The following COX16 variants were observed in gnomAD, a reference collection of about 807,000 sequenced individuals.
COX16 encodes cytochrome c oxidase assembly protein COX16 homolog, mitochondrial.
Under a neutral mutation model 15.4 loss-of-function variants are expected in COX16, and 12 were observed. The ratio of observed to expected loss-of-function variants is 0.78; its 90% confidence interval spans 0.50 to 1.26. The LOEUF (loss-of-function observed/expected upper bound fraction) is 1.26, where lower values mean the gene tolerates loss of function less well. Ranked by LOEUF, COX16 falls within the 50% of genes most tolerant of loss-of-function variation. The probability of loss-of-function intolerance (pLI) is 0.00; values close to 1 mark genes in which losing one functional copy is unlikely to be tolerated. For synonymous variants in COX16, 46 were observed against 41.1 expected (o/e 1.12, Z -0.46); for missense variants, 124 against 127.6 (o/e 0.97, Z 0.14).
intron 3 of COX16, 137 bp downstream of exon 3, chr14:70,329,037 T>G: frequency 1.6e-6 from 1 of 613,284 alleles, no homozygotes. Context: ...ATCTTTTTAT[T>G]TGCTTTTCAA....
In COX16 at chr14:70,326,152, GCTGGGAAGTATAAAAACCTGTACATGA is replaced by G; in HGVS notation, c.*154_*180del. 2.7e-6 allele frequency: 1 copy of G among 371,174 alleles called. No individual in the cohort carries two copies. Among genetic ancestry groups the G allele is most frequent in the Non-Finnish European group, 4.6e-6 (1 of 218,758 alleles). 23.0% of individuals were successfully genotyped at this position (371,174 alleles called of 1,614,324 possible). On this transcript the variant is annotated 3_prime_UTR_variant, in exon 4 of 4. Coordinates refer to ENST00000389912, the MANE Select transcript of COX16 (RefSeq NM_016468.7). The stretch of plus-strand genomic sequence containing the variant: ...GTTACTTTCATCCACAGATGGAATA[GCTGGGAAGTATAAAAACCTGTACATGA>G]CCTTTAGTGAAGATTATTTGTCATC...
At chr14:70,357,158 C>CAAAAAAAAAAAAAAAAAAAAA (rs4048531) in intron 1 of COX16, among the ~76,000 whole-genome samples, 1 of 78,700 alleles carries the variant, frequency 1.3e-5, no homozygotes, top group Non-Finnish European at 2.4e-5. Context: ...AAGCGTTTGT[C>CAAAAAAAAAAAAAAAAAAAAA]AAAAAAAAAA....
Position 70,326,461 on chromosome 14 carries a change from CA to C in COX16, c.205-13del. On this transcript the variant is annotated splice_polypyrimidine_tract_variant and intron_variant, in intron 3 of 3. Transcript: ENST00000389912. Reference sequence around the variant, plus strand: ...GAGTCTTTGATTTTCTATAGAACCACAAAAAATTAAAGTATAAATATTAGTA... The same window carrying C: ...GAGTCTTTGATTTTCTATAGAACCACAAAAATTAAAGTATAAATATTAGTA... 1 of 1,561,348 alleles carries C rather than the reference CA, an allele frequency of 6.4e-7. No individual in the cohort carries two copies. The highest frequency in any genetic ancestry group is 2.0e-5 in the Admixed American group (1 of 49,020).
chr14:70,355,018 C>T (rs1173374072), intron 1 of COX16, among the ~76,000 whole-genome samples: 2 of 152,162 alleles, frequency 1.3e-5, no homozygotes, highest in African/African-American at 2.4e-5. Flanking sequence ...TTGCTCACCA[C>T]TGCAGGATCC....
rs765270374 is a variant in COX16 at position 70,326,149 on chromosome 14, A to G, written c.*184T>C. The G allele has an allele frequency of 1.7e-5, 6 of 360,916 alleles. No homozygotes were observed. The highest frequency in any genetic ancestry group is 2.8e-5 in the Non-Finnish European group (6 of 211,398). 22.4% of individuals were successfully genotyped at this position (360,916 alleles called of 1,614,324 possible). A position where few individuals can be genotyped will look rare whatever the true frequency, so the allele number is the denominator to read the frequency against. Reference sequence around the variant, plus strand: ...ATTGTTACTTTCATCCACAGATGGAATAGCTGGGAAGTATAAAAACCTGTA... The same window carrying G: ...ATTGTTACTTTCATCCACAGATGGAGTAGCTGGGAAGTATAAAAACCTGTA... On this transcript the variant is annotated 3_prime_UTR_variant, in exon 4 of 4. Transcript: ENST00000389912.
At chr14:70,343,662 A>G (rs1886688697) in intron 1 of COX16, among the ~76,000 whole-genome samples, 1 of 152,224 alleles carries the variant, frequency 6.6e-6, no homozygotes, top group African/African-American at 2.4e-5. Context: ...AATTCTTACT[A>G]TATAGTGAAA....
intron 2 of COX16, among the ~76,000 whole-genome samples, chr14:70,336,062 T>G (rs965719651): frequency 7.9e-5 from 12 of 152,040 alleles, no homozygotes; most frequent in African/African-American, 2.9e-4. Context: ...CAAGACCATC[T>G]TGGCTAACAC....
rs749805125 is a variant in COX16, at chr14:70,329,197, T to A, written c.181A>T (p.Ile61Leu). The A allele has an allele frequency of 4.4e-6, 7 of 1,608,580 alleles. No homozygotes were observed. Among genetic ancestry groups the A allele is most frequent in the Non-Finnish European group, 5.9e-6 (7 of 1,177,224 alleles). Residue 61 changes from isoleucine (I) to leucine (L), a missense_variant, in exon 3 of 4, where the codon ATA becomes TTA. Physicochemically the swap from Ile to Leu is conservative, Grantham distance 5. Coordinates refer to ENST00000389912, the MANE Select transcript of COX16 (RefSeq NM_016468.7). ...ELEKKLKENK[I>L]SLESEYEKIK... ...ACCTCATATTCCGACTCTAAAGATATTTTATTCTCTTTCAGTTTTTTTTCA... is the reference window on the plus strand; with the variant it reads ...ACCTCATATTCCGACTCTAAAGATAATTTATTCTCTTTCAGTTTTTTTTCA...
intron 1 of COX16, among the ~76,000 whole-genome samples, chr14:70,345,389 T>C (rs757279245): frequency 6.6e-6 from 1 of 152,196 alleles, no homozygotes; most frequent in Non-Finnish European, 1.5e-5. Flanking sequence ...TGACAGTTGC[T>C]CCTTTTATCA....
chr14:70,331,741 TGATA>T (rs1886298142), intron 2 of COX16, among the ~76,000 whole-genome samples: 1 of 39,844 alleles, frequency 2.5e-5, no homozygotes, highest in Non-Finnish European at 5.7e-5. Context: ...AATTGAAGTA[TGATA>T]CAACACCCTA....
intron 2 of COX16, among the ~76,000 whole-genome samples, chr14:70,331,107 A>G (rs1022977458): frequency 6.6e-6 from 1 of 152,152 alleles, no homozygotes; most frequent in African/African-American, 2.4e-5. Context: ...TCCTGGGTTC[A>G]AGCAATTCCT....
chr14:70,335,576 C>T (rs907471671), intron 2 of COX16, among the ~76,000 whole-genome samples: 3 of 143,752 alleles, frequency 2.1e-5, no homozygotes, highest in African/African-American at 5.3e-5. Context: ...GGAAATTATA[C>T]ACAACGCTCC....
intron 2 of COX16, 105 bp from the exon 3 acceptor site, chr14:70,329,341 C>A: frequency 2.2e-5 from 20 of 917,838 alleles, no homozygotes; most frequent in Non-Finnish European, 2.9e-5. Flanking sequence ...TAGCCAAATA[C>A]AAACACATGG....
chr14:70,358,772 G>A (rs1887208492), intron 1 of COX16, among the ~76,000 whole-genome samples: 1 of 152,092 alleles, frequency 6.6e-6, no homozygotes, highest in Admixed American at 6.5e-5. Flanking sequence ...TAACTGGCCC[G>A]TAATCAAAAA....
chr14:70,333,708 A>G (rs892398891), intron 2 of COX16, among the ~76,000 whole-genome samples: 4 of 152,230 alleles, frequency 2.6e-5, no homozygotes, highest in African/African-American at 9.6e-5. Flanking sequence ...ACCTGGAGAA[A>G]TATATAAGTA....
intron 2 of COX16, among the ~76,000 whole-genome samples, chr14:70,341,704 A>T (rs971044795): frequency 6.6e-6 from 1 of 152,206 alleles, no homozygotes; most frequent in East Asian, 1.9e-4. Context: ...AGACGATAAC[A>T]TATAGCCCCA....
At chr14:70,343,059 C>A (rs1363795028) in intron 1 of COX16, among the ~76,000 whole-genome samples, 4 of 152,044 alleles carry the variant, frequency 2.6e-5, no homozygotes, top group Non-Finnish European at 4.4e-5. Context: ...AAAACAAAAA[C>A]AAAAACAAAT....
At chr14:70,333,253 T>TA in intron 2 of COX16, among the ~76,000 whole-genome samples, 1 of 152,226 alleles carries the variant, frequency 6.6e-6, no homozygotes. Context: ...AAACCAACCC[T>TA]AAAATGATGG....
intron 2 of COX16, among the ~76,000 whole-genome samples, chr14:70,331,680 A>G (rs553835335): frequency 2.8e-4 from 42 of 152,354 alleles, no homozygotes; most frequent in African/African-American, 9.9e-4. Context: ...ATTGCTGGTA[A>G]CAGTATAGAT....
Sources: gnomAD v4.1 joint callset for allele counts (sites outside exome capture counted in the v4.1 genomes callset) on GRCh38, gnomAD v4.1.1 for gene constraint, MANE v1.5 for transcripts, NCBI Gene and HGNC (gene_info 2026-07-23, HGNC 2026-07-21) for gene names.